The following GRM1 variants were observed in gnomAD, a reference collection of about 807,000 sequenced individuals.
GRM1 encodes metabotropic glutamate receptor 1.
In GRM1, 33 loss-of-function variants were observed where a neutral mutation model predicts 90.9. The observed-to-expected ratio is 0.36, with a 90% CI of 0.28 to 0.49. The LOEUF is 0.49. GRM1 is among the 20% of genes least tolerant of loss of function. The pLI is 0.99. For missense variants in GRM1, 1,190 were observed against 1,534.3 expected (o/e 0.78, Z 3.75); for synonymous variants, 700 against 613.2 (o/e 1.14, Z -2.09).
At chr6:146,413,008 C>T (rs1468407252) in intron 7 of GRM1, among the ~76,000 whole-genome samples, 1 of 152,044 alleles carries the variant, frequency 6.6e-6, no homozygotes, top group Non-Finnish European at 1.5e-5. Flanking sequence ...GATGATGGCT[C>T]CCTAGTTATT....
At chr6:146,408,440 C>G (rs776399894) in intron 7 of GRM1, among the ~76,000 whole-genome samples, 2 of 151,984 alleles carry the variant, frequency 1.3e-5, no homozygotes, top group Non-Finnish European at 2.9e-5. Flanking sequence ...TCATAGGGTT[C>G]TGAGGAGGAT....
intron 1 of GRM1, among the ~76,000 whole-genome samples, chr6:146,137,222 T>C (rs1236009288): frequency 6.6e-6 from 1 of 152,202 alleles, no homozygotes; most frequent in African/African-American, 2.4e-5. Flanking sequence ...TTGTGGAGTA[T>C]ACTGAAGCAA....
At chr6:146,380,687 G>A (rs760346089) in intron 5 of GRM1, among the ~76,000 whole-genome samples, 1 of 152,084 alleles carries the variant, frequency 6.6e-6, no homozygotes, top group Non-Finnish European at 1.5e-5. Context: ...CTCCCAAGCA[G>A]AAGGAGTTTT....
intron 2 of GRM1, among the ~76,000 whole-genome samples, chr6:146,202,403 A>G (rs1779328105): frequency 6.6e-6 from 1 of 152,186 alleles, no homozygotes. Context: ...AGCAGCTATC[A>G]TCATACCTAT....
chr6:146,104,743 A>T (rs1462966988), intron 1 of GRM1, among the ~76,000 whole-genome samples: 1 of 152,246 alleles, frequency 6.6e-6, no homozygotes, highest in East Asian at 1.9e-4. Context: ...ACAAGTGGGG[A>T]TACATTCATA....
chr6:146,267,951 T>G (rs1781980855), intron 2 of GRM1, among the ~76,000 whole-genome samples: 1 of 152,144 alleles, frequency 6.6e-6, no homozygotes, highest in South Asian at 2.1e-4. Flanking sequence ...CCATCACAAG[T>G]CAGTAATTGG....
At chr6:146,139,821 A>G (rs1353046886) in intron 1 of GRM1, among the ~76,000 whole-genome samples, 2 of 151,768 alleles carry the variant, frequency 1.3e-5, no homozygotes, top group Non-Finnish European at 2.9e-5. Flanking sequence ...GTTATTACTG[A>G]CAACTAAAAA....
chr6:146,367,013 C>A (rs1014580339), intron 5 of GRM1, among the ~76,000 whole-genome samples: 2 of 152,006 alleles, frequency 1.3e-5, no homozygotes, highest in African/African-American at 4.8e-5. Context: ...ATATTTTCCT[C>A]TAGCAGTTTC....
intron 2 of GRM1, among the ~76,000 whole-genome samples, chr6:146,299,393 A>G (rs1489729928): frequency 6.6e-6 from 1 of 150,416 alleles, no homozygotes; most frequent in Non-Finnish European, 1.5e-5. Flanking sequence ...ATTAAAAAAA[A>G]TGTTCTGGAA....
intron 2 of GRM1, among the ~76,000 whole-genome samples, chr6:146,172,658 C>T (rs1583109633): frequency 1.3e-5 from 2 of 152,088 alleles, no homozygotes; most frequent in East Asian, 3.9e-4. Flanking sequence ...TGAGGGATAG[C>T]CAAGAAAGGT....
At chr6:146,400,411 A>T (rs193037361) in intron 7 of GRM1, among the ~76,000 whole-genome samples, 189 of 152,290 alleles carry the variant, frequency 1.2e-3, no homozygotes, top group African/African-American at 3.2e-3. Flanking sequence ...AAAATAAAAA[A>T]AAATAAAAAA....
chr6:146,064,820 T>A (rs1455095936), intron 1 of GRM1, among the ~76,000 whole-genome samples: 1 of 151,910 alleles, frequency 6.6e-6, no homozygotes, highest in Non-Finnish European at 1.5e-5. Context: ...TTGTTCTTTT[T>A]ATATCTTCTC....
At chr6:146,083,988 C>T (rs1414253881) in intron 1 of GRM1, among the ~76,000 whole-genome samples, 1 of 152,144 alleles carries the variant, frequency 6.6e-6, no homozygotes, top group Non-Finnish European at 1.5e-5. Context: ...AGGAATTTAT[C>T]CATTTCTTCT....
chr6:146,167,682 T>C (rs770320836), intron 2 of GRM1, among the ~76,000 whole-genome samples: 8 of 152,182 alleles, frequency 5.3e-5, no homozygotes, highest in Non-Finnish European at 8.8e-5. Context: ...CATTTTAGTA[T>C]CTTTTTTGGT....
intron 2 of GRM1, among the ~76,000 whole-genome samples, chr6:146,281,529 G>T (rs1040247472): frequency 2.0e-5 from 3 of 152,150 alleles, no homozygotes; most frequent in Admixed American, 1.3e-4. Flanking sequence ...GTGATAATAA[G>T]TATTAAAGCA....
chr6:146,237,187 A>G (rs1171505761), intron 2 of GRM1, among the ~76,000 whole-genome samples: 1 of 151,930 alleles, frequency 6.6e-6, no homozygotes, highest in Non-Finnish European at 1.5e-5. Context: ...ATTTTCCTAT[A>G]TATTTTTTTA....
chr6:146,223,547 C>A (rs925008498), intron 2 of GRM1, among the ~76,000 whole-genome samples: 2 of 151,884 alleles, frequency 1.3e-5, no homozygotes, highest in African/African-American at 2.4e-5. Flanking sequence ...GGATTTCATG[C>A]CAAAAGGAGG....
intron 7 of GRM1, among the ~76,000 whole-genome samples, chr6:146,432,673 A>G (rs893921415): frequency 1.3e-5 from 2 of 152,160 alleles, no homozygotes; most frequent in African/African-American, 4.8e-5. Flanking sequence ...GCAAACTTCT[A>G]AAAAAAGAAA....
chr6:146,341,590 C>T (rs568520281), intron 3 of GRM1, among the ~76,000 whole-genome samples: 21 of 152,212 alleles, frequency 1.4e-4, no homozygotes, highest in Admixed American at 1.2e-3. Flanking sequence ...CTGAATCCCA[C>T]GATGAAGACA....
Sources: allele counts gnomAD v4.1 joint callset (sites outside exome capture counted in the v4.1 genomes callset), GRCh38; gene constraint gnomAD v4.1.1; transcripts MANE v1.5; gene names NCBI Gene and HGNC (gene_info 2026-07-23, HGNC 2026-07-21).